The following ITFG1 variants were observed in gnomAD, a reference collection of about 807,000 sequenced individuals.
ITFG1 encodes the protein T-cell immunomodulatory protein.
In ITFG1, 34 loss-of-function variants were observed where a neutral mutation model predicts 81.8. The observed-to-expected ratio is 0.42, with a 90% CI of 0.32 to 0.55. ITFG1 has a LOEUF of 0.55. ITFG1 is among the 20% of genes least tolerant of loss of function. The probability of loss-of-function intolerance (pLI) is 0.17; values close to 1 mark genes in which losing one functional copy is unlikely to be tolerated. For missense variants in ITFG1, 672 were observed against 755.4 expected, an observed-to-expected ratio of 0.89 and a Z score of 1.29; for synonymous variants, 285 against 270.6, an observed-to-expected ratio of 1.05 and a Z score of -0.52.
At chr16:47,245,504 T>G (rs931013381) in intron 12 of ITFG1, among the ~76,000 whole-genome samples, 1 of 152,192 alleles carries the variant, frequency 6.6e-6, no homozygotes, top group African/African-American at 2.4e-5. Context: ...CTTCCCCTCC[T>G]CATACCCCAA....
chr16:47,361,005 C>T (rs1968101735), intron 8 of ITFG1, among the ~76,000 whole-genome samples: 2 of 152,138 alleles, frequency 1.3e-5, no homozygotes, highest in Admixed American at 6.5e-5. Context: ...GGTTAACCAT[C>T]AATGACACTA....
chr16:47,323,465 T>G (rs1481871845), intron 8 of ITFG1, among the ~76,000 whole-genome samples: 1 of 150,938 alleles, frequency 6.6e-6, no homozygotes, highest in Non-Finnish European at 1.5e-5. Flanking sequence ...ACTCTGGTAT[T>G]ATCAGATGTG....
Position 47,168,207 on chromosome 16 carries a change from T to C in ITFG1, c.1454-5543A>G, listed in dbSNP as rs1964917328. 2.6e-5 allele frequency among the ~76,000 whole-genome samples: 4 copies of C among 152,246 alleles called. No individual in the cohort carries two copies. The South Asian group carries it at 8.3e-4, about 32-fold the overall frequency. On this transcript the variant is annotated intron_variant, in intron 14 of 17. Coordinates refer to ENST00000320640, the MANE Select transcript of ITFG1 (RefSeq NM_030790.5). ...TGTAGGACATCTTTTTCTGTGCTTA[T>C]TGGCTACTTTGGAATTCTTTGGAGA...
intron 10 of ITFG1, among the ~76,000 whole-genome samples, chr16:47,269,842 G>A (rs1596850337): frequency 6.6e-6 from 1 of 152,110 alleles, no homozygotes; most frequent in Middle Eastern, 3.4e-3. Context: ...AAATAACTCT[G>A]GAAAAGAAGG....
chr16:47,190,532 A>C (rs1965280010), intron 14 of ITFG1, among the ~76,000 whole-genome samples: 1 of 152,060 alleles, frequency 6.6e-6, no homozygotes, highest in African/African-American at 2.4e-5. Context: ...GACATTATTA[A>C]AGTTGTGAGT....
At chr16:47,242,822 T>A (rs191312887) in intron 12 of ITFG1, among the ~76,000 whole-genome samples, 1 of 152,238 alleles carries the variant, frequency 6.6e-6, no homozygotes, top group Non-Finnish European at 1.5e-5. Context: ...GTATTGGAAA[T>A]TACAATAGCA....
At chr16:47,363,682 T>A (rs1248992971) in intron 8 of ITFG1, among the ~76,000 whole-genome samples, 2 of 152,254 alleles carry the variant, frequency 1.3e-5, no homozygotes, top group Admixed American at 6.5e-5. Context: ...TGTTGACTAC[T>A]ACTTCTCTAT....
At chr16:47,317,922 TCAGCTCACTA>T (rs562413694) in intron 8 of ITFG1, 2 of 152,222 alleles carry the variant, frequency 1.3e-5, no homozygotes, top group Non-Finnish European at 2.9e-5. Context: ...TTTAGACACG[TCAGCTCACTA>T]CGGTAATAAA....
chr16:47,368,156 C>G (rs779111686), intron 7 of ITFG1, among the ~76,000 whole-genome samples: 5 of 151,512 alleles, frequency 3.3e-5, no homozygotes, highest in Non-Finnish European at 5.9e-5. Context: ...ATGGTGTGAA[C>G]CCAGGAGGCG....
At chr16:47,300,011 T>C (rs1967050937) in intron 10 of ITFG1, 1 of 152,402 alleles carries the variant, frequency 6.6e-6, no homozygotes, top group African/African-American at 2.4e-5. Flanking sequence ...TGGGATGTTC[T>C]TTCCCTGGAG....
intron 12 of ITFG1, among the ~76,000 whole-genome samples, chr16:47,255,331 A>T (rs970143162): frequency 6.6e-6 from 1 of 152,176 alleles, no homozygotes; most frequent in Non-Finnish European, 1.5e-5. Flanking sequence ...CTTTCTGTGC[A>T]TTTTTGGTGT....
At chr16:47,201,517 T>C (rs1159495672) in intron 14 of ITFG1, among the ~76,000 whole-genome samples, 1 of 152,092 alleles carries the variant, frequency 6.6e-6, no homozygotes, top group Non-Finnish European at 1.5e-5. Context: ...AGGAGAAAAT[T>C]TTTATTTTGC....
At chr16:47,171,013 G>A (rs925952789) in intron 14 of ITFG1, among the ~76,000 whole-genome samples, 6 of 147,412 alleles carry the variant, frequency 4.1e-5, no homozygotes, top group African/African-American at 1.5e-4. Context: ...GGGATTACAA[G>A]CATGAGCCAC....
intron 8 of ITFG1, among the ~76,000 whole-genome samples, chr16:47,345,857 C>T (rs1351786662): frequency 6.6e-6 from 1 of 152,100 alleles, no homozygotes; most frequent in Non-Finnish European, 1.5e-5. Context: ...AGAAAATGAC[C>T]ATATATGCAC....
At chr16:47,278,248 T>C (rs1327448387) in intron 10 of ITFG1, among the ~76,000 whole-genome samples, 2 of 152,174 alleles carry the variant, frequency 1.3e-5, no homozygotes, top group African/African-American at 4.8e-5. Flanking sequence ...TAAAGAATAG[T>C]GGTGGAGTCG....
intron 10 of ITFG1, among the ~76,000 whole-genome samples, chr16:47,297,946 TTC>T (rs780252811): frequency 5.3e-5 from 8 of 152,202 alleles, no homozygotes; most frequent in Non-Finnish European, 8.8e-5. Flanking sequence ...TTACTTTTTC[TTC>T]TCTTTTGGAA....
rs2052283 is a variant in ITFG1 at position 47,259,330 on chromosome 16, C to T, written c.1222-590G>A. On this transcript the variant is annotated intron_variant, in intron 11 of 17. Transcript: ENST00000320640. ...AGCCCTTTTATATTATGAATATTAACTATTTGACTTTCATAGAAAATTTAT... is the reference window on the plus strand; with the variant it reads ...AGCCCTTTTATATTATGAATATTAATTATTTGACTTTCATAGAAAATTTAT... Among the ~76,000 whole-genome samples, 249 of 152,174 alleles carry T rather than the reference C, an allele frequency of 1.6e-3. 2 individuals are homozygous for T. Among genetic ancestry groups the T allele is most frequent in the African/African-American group, 5.5e-3 (230 of 41,512 alleles).
At chr16:47,370,356 A>G (rs1251485551) in intron 7 of ITFG1, among the ~76,000 whole-genome samples, 1 of 152,068 alleles carries the variant, frequency 6.6e-6, no homozygotes, top group Non-Finnish European at 1.5e-5. Context: ...ACCAATCCAC[A>G]TGCACTCCCC....
intron 5 of ITFG1, among the ~76,000 whole-genome samples, chr16:47,429,635 G>A (rs181159714): frequency 4.8e-4 from 73 of 152,288 alleles, no homozygotes; most frequent in African/African-American, 1.8e-3. Context: ...GTGTGATACA[G>A]TATTTCACTG....
Sources: gnomAD v4.1 joint callset for allele counts (sites outside exome capture counted in the v4.1 genomes callset) on GRCh38, gnomAD v4.1.1 for gene constraint, MANE v1.5 for transcripts, NCBI Gene and HGNC (gene_info 2026-07-23, HGNC 2026-07-21) for gene names.